The following LAPTM4A variants were observed in gnomAD, a reference collection of about 807,000 sequenced individuals.
LAPTM4A encodes the protein lysosomal-associated transmembrane protein 4A.
In LAPTM4A, 19 loss-of-function variants were observed where a neutral mutation model predicts 29.9. The observed-to-expected ratio is 0.64, with a 90% confidence interval of 0.44 to 0.93. LAPTM4A has a LOEUF of 0.93. Among genes scored for constraint, LAPTM4A ranks in the 40% least tolerant of loss-of-function variants. The pLI is 0.00. For synonymous variants in LAPTM4A, 105 were observed against 102.1 expected, an observed-to-expected ratio of 1.03 and a Z score of -0.17; for missense variants, 293 against 288.5, an observed-to-expected ratio of 1.02 and a Z score of -0.11.
At chr2:20,047,992 G>T (rs1673972168) in intron 1 of LAPTM4A, among the ~76,000 whole-genome samples, 1 of 152,174 alleles carries the variant, frequency 6.6e-6, no homozygotes, top group Admixed American at 6.5e-5. Flanking sequence ...ATGCTTACTT[G>T]AAGTCAGAGG....
Position 20,033,239 on chromosome 2 carries a change from T to C in LAPTM4A, c.668A>G (p.Glu223Gly). 1.2e-6 allele frequency: 2 copies of C among 1,614,140 alleles called. No homozygotes were observed. Among genetic ancestry groups the C allele is most frequent in the Non-Finnish European group, 1.7e-6 (2 of 1,180,002 alleles). ...TAAGTAAGGAGGTGGTGGTTCTTTT[T>C]CAGGCATTTTCACGGCCATTTCATA... The part of the protein sequence containing the change: ...PTYEMAVKMP[E>G]KEPPPPYLPA The change falls in exon 7 of 7, where the codon GAA (glutamate) becomes GGA (glycine). Residue 223 changes from glutamate to glycine, a missense_variant. By Grantham distance (98) the Glu-to-Gly change is moderately conservative (BLOSUM62 -2). Coordinates refer to ENST00000175091, the MANE Select transcript of LAPTM4A (RefSeq NM_014713.5).
intron 2 of LAPTM4A, among the ~76,000 whole-genome samples, chr2:20,038,456 T>C (rs1277994638): frequency 6.6e-6 from 1 of 152,192 alleles, no homozygotes; most frequent in African/African-American, 2.4e-5. Flanking sequence ...GACAGAGTCT[T>C]GCTCTGTCGC....
At chr2:20,050,072 A>G (rs1572401853) in intron 1 of LAPTM4A, among the ~76,000 whole-genome samples, 1 of 152,372 alleles carries the variant, frequency 6.6e-6, no homozygotes, top group African/African-American at 2.4e-5. Context: ...AGTTCTGTCA[A>G]TAAGGCGGTA....
At chr2:20,035,083 C>T in intron 4 of LAPTM4A, 21 bp from the exon 5 acceptor site, 1 of 1,542,432 alleles carries the variant, frequency 6.5e-7, no homozygotes. Flanking sequence ...AACACACACA[C>T]ATTTACAAGT....
chr2:20,039,843 C>T (rs1673756931), intron 2 of LAPTM4A, among the ~76,000 whole-genome samples: 1 of 152,146 alleles, frequency 6.6e-6, no homozygotes, highest in African/African-American at 2.4e-5. Context: ...CACCTAAGGT[C>T]GGGAGTTCGA....
At chr2:20,035,289 A>C in intron 4 of LAPTM4A, 2 of 475,848 alleles carry the variant, frequency 4.2e-6, no homozygotes, top group South Asian at 2.6e-5. Flanking sequence ...ATGCTCCAAA[A>C]AGTCTAAATT....
intron 1 of LAPTM4A, 27 bp downstream of exon 1, chr2:20,051,383 C>T: frequency 6.7e-7 from 1 of 1,485,028 alleles, no homozygotes; most frequent in East Asian, 2.3e-5. Context: ...GCCCCCCGGA[C>T]ATACGCGCCA....
At chr2:20,049,078 C>G (rs2148216097) in intron 1 of LAPTM4A, among the ~76,000 whole-genome samples, 1 of 152,360 alleles carries the variant, frequency 6.6e-6, no homozygotes, top group South Asian at 2.1e-4. Context: ...CTCCTCATCA[C>G]TGTACCATAT....
chr2:20,034,930 A>T, intron 5 of LAPTM4A, 37 bp downstream of exon 5: 1 of 1,452,920 alleles, frequency 6.9e-7, no homozygotes, highest in Non-Finnish European at 9.6e-7. Flanking sequence ...CACAGTGTCA[A>T]TCTCAGTCAC....
intron 1 of LAPTM4A, among the ~76,000 whole-genome samples, chr2:20,041,422 G>C (rs1673797433): frequency 6.6e-6 from 1 of 152,120 alleles, no homozygotes; most frequent in Non-Finnish European, 1.5e-5. Flanking sequence ...CTCTCATCAG[G>C]TGACAGAGAA....
At chr2:20,049,999 T>C (rs947170361) in intron 1 of LAPTM4A, among the ~76,000 whole-genome samples, 2 of 152,242 alleles carry the variant, frequency 1.3e-5, no homozygotes, top group Admixed American at 6.5e-5. Flanking sequence ...ATTAACTCTA[T>C]GTTTAGTATT....
chr2:20,037,751 TA>T (rs57679180), intron 2 of LAPTM4A, 137 bp from the exon 3 acceptor site: 152,992 of 360,520 alleles, frequency 0.42, 16,772 homozygotes, highest in African/African-American at 0.59. Flanking sequence ...GCCAAGAGGG[TA>T]AAAAAAAAAA....
intron 2 of LAPTM4A, among the ~76,000 whole-genome samples, chr2:20,039,197 A>C (rs1489715373): frequency 3.3e-5 from 5 of 152,236 alleles, no homozygotes; most frequent in South Asian, 2.1e-4. Context: ...GATTACAGGC[A>C]TGAGCCACCA....
intron 1 of LAPTM4A, among the ~76,000 whole-genome samples, chr2:20,041,865 T>C (rs1673809197): frequency 6.6e-6 from 1 of 152,264 alleles, no homozygotes; most frequent in Admixed American, 6.5e-5. Flanking sequence ...TAATGTGCTC[T>C]CCCTTCTAAA....
At chr2:20,046,658 A>AAT (rs1673925452) in intron 1 of LAPTM4A, among the ~76,000 whole-genome samples, 3 of 148,608 alleles carry the variant, frequency 2.0e-5, no homozygotes, top group South Asian at 2.1e-4. Flanking sequence ...ATGCCCCGCT[A>AAT]ATATATATAT....
At chr2:20,043,133 C>T (rs991453996) in intron 1 of LAPTM4A, among the ~76,000 whole-genome samples, 4 of 148,484 alleles carry the variant, frequency 2.7e-5, no homozygotes, top group Non-Finnish European at 4.4e-5. Flanking sequence ...AGTGCAGTGG[C>T]GCAATCTCAG....
rs200043423 is a variant in LAPTM4A, at chr2:20,037,305, T to C, written c.432+11A>G. ...GAAAAAAAAATAAGTTTAATGAGCA[T>C]ACACACTTACTAGTTGATCCAGATA... On this transcript the variant is annotated intron_variant, in intron 4 of 6. Transcript: ENST00000175091. 13 of 1,599,536 alleles carry C rather than the reference T, an allele frequency of 8.1e-6. No homozygotes were observed. The East Asian group carries it at 1.8e-4, about 22-fold the overall frequency.
chr2:20,046,832 A>G (rs1156928234), intron 1 of LAPTM4A, among the ~76,000 whole-genome samples: 1 of 134,024 alleles, frequency 7.5e-6, no homozygotes, highest in Non-Finnish European at 1.7e-5. Flanking sequence ...GGGTTTCGTC[A>G]TGTTGCTCAG....
At chr2:20,040,799 T>C (rs1324155291) in intron 2 of LAPTM4A, 92 bp downstream of exon 2, 64 of 1,185,818 alleles carry the variant, frequency 5.4e-5, no homozygotes, top group East Asian at 3.5e-4. Flanking sequence ...CCCAGTGACA[T>C]TTCTCAGAAT....
Sources: gnomAD v4.1 joint callset for allele counts (sites outside exome capture counted in the v4.1 genomes callset) on GRCh38, gnomAD v4.1.1 for gene constraint, MANE v1.5 for transcripts, NCBI Gene and HGNC (gene_info 2026-07-23, HGNC 2026-07-21) for gene names.